Variants in SGCZ observed in about 807,000 individuals in gnomAD.
SGCZ encodes zeta-sarcoglycan.
In SGCZ, 40 loss-of-function variants were observed where a neutral mutation model predicts 41.3. The observed-to-expected ratio is 0.97, with a 90% CI of 0.75 to 1.26. SGCZ has a LOEUF of 1.26. Among genes scored for constraint, SGCZ ranks in the 50% most tolerant of loss-of-function variants. The pLI is 0.00. For synonymous variants in SGCZ, 206 were observed against 137.5 expected, an observed-to-expected ratio of 1.50 and a Z score of -3.49; for missense variants, 552 against 369.8, an observed-to-expected ratio of 1.49 and a Z score of -4.04.
At chr8:15,109,901 T>C (rs550944761) in intron 1 of SGCZ, among the ~76,000 whole-genome samples, 1 of 152,316 alleles carries the variant, frequency 6.6e-6, no homozygotes, top group East Asian at 1.9e-4. Flanking sequence ...CAATTTTCTT[T>C]TATAAAATAA....
At chr8:14,881,142 A>T (rs568391832) in intron 1 of SGCZ, among the ~76,000 whole-genome samples, 18 of 152,250 alleles carry the variant, frequency 1.2e-4, no homozygotes, top group African/African-American at 3.9e-4. Context: ...TAAGAAAACA[A>T]GTGGAAATAC....
intron 2 of SGCZ, among the ~76,000 whole-genome samples, chr8:14,455,507 TCTTTC>T (rs1288878666): frequency 2.7e-5 from 4 of 150,842 alleles, no homozygotes; most frequent in African/African-American, 9.7e-5. Context: ...TACACACTTC[TCTTTC>T]CTTTCAATAG....
rs546393287 is a variant in SGCZ at position 14,252,443 on chromosome 8, A to G, written c.337-14764T>C. On this transcript the variant is annotated intron_variant, in intron 3 of 7. Coordinates refer to ENST00000382080, the MANE Select transcript of SGCZ (RefSeq NM_139167.4). ...TTAATATTCTGTATCTGAAAATTTC[A>G]ATTACTGAAGTAACTGAAAAATCTA... Among the ~76,000 whole-genome samples, 257 of 152,258 alleles carry G rather than the reference A, an allele frequency of 1.7e-3. 1 individual carries two copies. Among genetic ancestry groups the G allele is most frequent in the African/African-American group, 5.7e-3 (237 of 41,546 alleles).
intron 1 of SGCZ, among the ~76,000 whole-genome samples, chr8:14,882,920 G>C (rs1427637490): frequency 6.6e-6 from 1 of 151,836 alleles, no homozygotes; most frequent in Non-Finnish European, 1.5e-5. Context: ...ATATGGTGTG[G>C]AACAAGTGCA....
intron 1 of SGCZ, among the ~76,000 whole-genome samples, chr8:14,576,142 T>G (rs1165146095): frequency 6.6e-6 from 1 of 152,198 alleles, no homozygotes; most frequent in East Asian, 1.9e-4. Context: ...AACTTGTATG[T>G]GAGATTTGTG....
intron 1 of SGCZ, among the ~76,000 whole-genome samples, chr8:14,838,507 C>T (rs1802783898): frequency 6.6e-6 from 1 of 152,120 alleles, no homozygotes; most frequent in Non-Finnish European, 1.5e-5. Context: ...AGGTACCATA[C>T]AACTAGGTAG....
At chr8:14,814,032 G>A (rs908450237) in intron 1 of SGCZ, among the ~76,000 whole-genome samples, 5 of 152,056 alleles carry the variant, frequency 3.3e-5, no homozygotes, top group African/African-American at 1.2e-4. Flanking sequence ...GTCTATGGAG[G>A]CCCTAGCACA....
intron 1 of SGCZ, among the ~76,000 whole-genome samples, chr8:14,610,829 T>A (rs1805904073): frequency 6.6e-6 from 1 of 152,192 alleles, no homozygotes; most frequent in Non-Finnish European, 1.5e-5. Context: ...ATCTTCAGAA[T>A]TGAATTGTAA....
In SGCZ at chr8:15,195,488, G is replaced by A. The variant is rs1800693290; in HGVS notation, c.39+42097C>T. Reference sequence around the variant, plus strand: ...CCCATCTCTCAGCTCTCTCTAACCTGAGCATCCTTTTGTCTCCTGCAAGTT... The same window carrying A: ...CCCATCTCTCAGCTCTCTCTAACCTAAGCATCCTTTTGTCTCCTGCAAGTT... On this transcript the variant is annotated intron_variant, in intron 1 of 7. Transcript: ENST00000382080. Among the ~76,000 whole-genome samples, 3 of 152,208 alleles carry A rather than the reference G, an allele frequency of 2.0e-5. No individual in the cohort carries two copies. The South Asian group carries it at 6.2e-4, about 32-fold the overall frequency.
chr8:14,237,509 GACA>G, intron 4 of SGCZ, 80 bp downstream of exon 4: 2 of 922,740 alleles, frequency 2.2e-6, no homozygotes, highest in Admixed American at 2.1e-5. Context: ...CAACAACAAC[GACA>G]ACAACAAGAA....
intron 1 of SGCZ, among the ~76,000 whole-genome samples, chr8:14,806,117 A>C (rs1208878549): frequency 6.6e-6 from 1 of 152,120 alleles, no homozygotes; most frequent in Non-Finnish European, 1.5e-5. Context: ...AAATGCCCAC[A>C]AGAGAAAGCA....
chr8:14,507,858 G>C (rs1466511060), intron 2 of SGCZ, among the ~76,000 whole-genome samples: 1 of 148,642 alleles, frequency 6.7e-6, no homozygotes, highest in African/African-American at 2.5e-5. Context: ...CGCAATCTCT[G>C]CCTCCCAGAT....
chr8:14,830,283 T>C (rs531463727), intron 1 of SGCZ, among the ~76,000 whole-genome samples: 1 of 152,306 alleles, frequency 6.6e-6, no homozygotes, highest in African/African-American at 2.4e-5. Context: ...TTGCCTTAGT[T>C]AACATTTACT....
intron 1 of SGCZ, among the ~76,000 whole-genome samples, chr8:15,034,848 T>C (rs1219894716): frequency 6.6e-6 from 1 of 152,200 alleles, no homozygotes; most frequent in East Asian, 1.9e-4. Flanking sequence ...AAGAATATTG[T>C]ATCTGGCAAA....
chr8:14,875,743 T>C (rs1804334653), intron 1 of SGCZ, among the ~76,000 whole-genome samples: 1 of 152,042 alleles, frequency 6.6e-6, no homozygotes, highest in Non-Finnish European at 1.5e-5. Context: ...AAGAATACAG[T>C]AGTAGGGCAA....
intron 1 of SGCZ, among the ~76,000 whole-genome samples, chr8:14,671,552 T>C (rs1808102493): frequency 6.6e-6 from 1 of 152,176 alleles, no homozygotes; most frequent in Non-Finnish European, 1.5e-5. Context: ...TTTGCAACTC[T>C]GTACTGCAAA....
intron 1 of SGCZ, among the ~76,000 whole-genome samples, chr8:14,774,774 G>A (rs1042203761): frequency 5.9e-5 from 9 of 152,158 alleles, no homozygotes; most frequent in East Asian, 1.9e-4. Context: ...AAACCAACAT[G>A]AACAAGTATT....
Position 14,410,864 on chromosome 8 carries a change from C to T in SGCZ, c.235-86660G>A, listed in dbSNP as rs1422248284. Among the ~76,000 whole-genome samples, 3 of 152,220 alleles carry T rather than the reference C, an allele frequency of 2.0e-5. No homozygotes were observed. In the East Asian group the frequency reaches 5.8e-4, roughly 29 times the overall value. On this transcript the variant is annotated intron_variant, in intron 2 of 7. Transcript: ENST00000382080. ...CAACCACTCTTCTTTTCAAATGGAA[C>T]ACTGCTATCTGAGGGAAAAGTTTAA... is the stretch of plus-strand genomic sequence containing the variant.
At chr8:14,583,261 G>A (rs1804953549) in intron 1 of SGCZ, among the ~76,000 whole-genome samples, 1 of 151,578 alleles carries the variant, frequency 6.6e-6, no homozygotes, top group Admixed American at 6.6e-5. Context: ...GATGGCCAGT[G>A]ATGGTGAGCA....
Sources: gnomAD v4.1 joint callset for allele counts (sites outside exome capture counted in the v4.1 genomes callset) on GRCh38, gnomAD v4.1.1 for gene constraint, MANE v1.5 for transcripts, NCBI Gene and HGNC (gene_info 2026-07-23, HGNC 2026-07-21) for gene names.